The following HMMR variants were observed in gnomAD, a reference collection of about 807,000 sequenced individuals.
The protein encoded by HMMR is intracellular hyaluronic acid-binding protein.
HMMR carries 108 observed loss-of-function variants against 101.0 expected under a neutral mutation model. The observed-to-expected ratio is 1.07, with a 90% CI of 0.92 to 1.25. The LOEUF is 1.25. HMMR is among the 50% of genes most tolerant of loss of function. The probability of loss-of-function intolerance (pLI) is 0.00; values close to 1 mark genes in which losing one functional copy is unlikely to be tolerated. For missense variants in HMMR, 813 were observed against 788.7 expected, an observed-to-expected ratio of 1.03 and a Z score of -0.37; for synonymous variants, 296 against 276.4, an observed-to-expected ratio of 1.07 and a Z score of -0.70.
intron 11 of HMMR, among the ~76,000 whole-genome samples, chr5:163,476,626 A>G (rs1269696747): frequency 6.6e-6 from 1 of 152,230 alleles, no homozygotes; most frequent in African/African-American, 2.4e-5. Flanking sequence ...AGCCTGGGCA[A>G]CGTAGCACAA....
In HMMR at chr5:163,491,169, C is replaced by T. The variant is rs767903265; in HGVS notation, c.*5C>T. ...TGTCAAGAATCATGGAAGTAAACAT[C>T]TGAGAAACCTGTTGAAGATTATTTC... On this transcript the variant is annotated 3_prime_UTR_variant, in exon 18 of 18. Transcript: ENST00000393915. 6.7e-7 allele frequency: 1 copy of T among 1,498,268 alleles called. No individual in the cohort carries two copies. Among genetic ancestry groups the T allele is most frequent in the South Asian group, 1.2e-5 (1 of 82,388 alleles). 92.8% of individuals were successfully genotyped at this position (1,498,268 alleles called of 1,614,324 possible). A position where few individuals can be genotyped will look rare whatever the true frequency, so the allele number is the denominator to read the frequency against.
intron 5 of HMMR, among the ~76,000 whole-genome samples, chr5:163,470,577 C>T (rs1427836033): frequency 6.6e-6 from 1 of 152,142 alleles, no homozygotes; most frequent in African/African-American, 2.4e-5. Flanking sequence ...ATAGCTTGAA[C>T]TCGGGAGGTG....
rs752924104 is a variant in HMMR, at chr5:163,484,117, C to T, written c.1834C>T (p.His612Tyr). 7 of 1,600,492 alleles carry T rather than the reference C, an allele frequency of 4.4e-6. No homozygotes were observed. Among genetic ancestry groups the T allele is most frequent in the South Asian group, 1.1e-5 (1 of 88,480 alleles). ...EVEKQALLNE[H>Y]GAAQEQLNKI... ...AGAAAAACAGGCATTGTTGAATGAA[C>T]ATGGTGCAGCTCAGGAACAGCTAAA... is the stretch of plus-strand genomic sequence containing the variant. Residue 612 changes from histidine (H) to tyrosine (Y), a missense_variant, in exon 16 of 18, where the codon CAT (histidine) becomes TAT (tyrosine). Coordinates refer to ENST00000393915, the MANE Select transcript of HMMR (RefSeq NM_001142556.2).
chr5:163,460,672 T>A lies in HMMR; in HGVS notation c.-21T>A. ...GTCGAGGAGTGCCAGTCACCTTCAG[T>A]TTCTGGAGCTGGCCGTCAACATGTC... On this transcript the variant is annotated 5_prime_UTR_variant, in exon 1 of 18. Coordinates refer to ENST00000393915, the MANE Select transcript of HMMR (RefSeq NM_001142556.2). 6.3e-7 allele frequency: 1 copy of A among 1,599,110 alleles called. No homozygotes were observed. Among genetic ancestry groups the A allele is most frequent in the Non-Finnish European group, 8.5e-7 (1 of 1,172,030 alleles).
In HMMR at chr5:163,484,187, TG is replaced by T; in HGVS notation, c.1905del (p.Lys636AsnfsTer8). 1 of 1,605,858 alleles carries T rather than the reference TG, an allele frequency of 6.2e-7. No homozygotes were observed. Among genetic ancestry groups the T allele is most frequent in the Non-Finnish European group, 8.5e-7 (1 of 1,176,022 alleles). ...GCTAAATTATTGGGTCATCAGAATT[TG>T]AAACAAAAAATCAAGCATGTTGTGA... ...SYAKLLGHQN[L>X]KQKIKHVVKL... On this transcript the variant is annotated frameshift_variant, in exon 16 of 18. Transcript: ENST00000393915. LOFTEE classifies it high-confidence loss of function.
At position 163,471,301 on chromosome 5, in the gene HMMR, GTC is replaced by G. The variant is rs776787151; in HGVS notation, c.549+32_549+33del. On this transcript the variant is annotated intron_variant, in intron 6 of 17. Transcript: ENST00000393915. ...GTGCTGCCCTTGGCAGGTTTGCTGT[GTC>G]TGGATCTGGGGATCAGTACAACTTT... is the stretch of plus-strand genomic sequence containing the variant. The G allele has an allele frequency of 1.1e-4, 176 of 1,606,120 alleles. 1 individual carries two copies. Among genetic ancestry groups the G allele is most frequent in the Admixed American group, 3.3e-5 (2 of 59,970 alleles).
chr5:163,481,244 T>C (rs1487685612), intron 12 of HMMR, among the ~76,000 whole-genome samples: 1 of 151,698 alleles, frequency 6.6e-6, no homozygotes, highest in East Asian at 1.9e-4. Flanking sequence ...TTTATAAGTG[T>C]ATATGTTTTA....
chr5:163,485,901 G>A (rs1759461936), intron 16 of HMMR, among the ~76,000 whole-genome samples: 1 of 152,184 alleles, frequency 6.6e-6, no homozygotes, highest in Non-Finnish European at 1.5e-5. Context: ...TTTTTAAAGA[G>A]AATATTCTTG....
At chr5:163,465,922 C>CT (rs1189994591) in intron 3 of HMMR, among the ~76,000 whole-genome samples, 1 of 147,026 alleles carries the variant, frequency 6.8e-6, no homozygotes, top group Non-Finnish European at 1.5e-5. Flanking sequence ...GGTGGTGCCA[C>CT]TGTACTCCAG....
In HMMR at chr5:163,491,113, C is replaced by G; in HGVS notation, c.2127C>G (p.Gly709=). Residue 709 remains glycine, a splice_region_variant and synonymous_variant, in exon 18 of 18, where the codon GGC becomes GGG. Transcript: ENST00000393915. ...NFALKTPLKE[G]NTNCYRAPME... ...CCTTCTTTTCAATAATTCTTCTAGGCAATACAAACTGTTACCGAGCTCCTA... is the reference window on the plus strand; with the variant it reads ...CCTTCTTTTCAATAATTCTTCTAGGGAATACAAACTGTTACCGAGCTCCTA... 3 of 1,544,912 alleles carry G rather than the reference C, an allele frequency of 1.9e-6. No homozygotes were observed. In the South Asian group the frequency reaches 3.6e-5, roughly 18 times the overall value.
rs552952530 is a variant in HMMR, at chr5:163,480,164, A to G, written c.1385+1364A>G. ...CATATGTAAGTTCCTCTGCCATCCC[A>G]TGAAAATGGGACAGATAACACTGTC... On this transcript the variant is annotated intron_variant, in intron 12 of 17. Transcript: ENST00000393915. Among the ~76,000 whole-genome samples the G allele has an allele frequency of 7.2e-5, 11 of 152,312 alleles. No homozygotes were observed. In the East Asian group the frequency reaches 1.2e-3, roughly 16 times the overall value.
chr5:163,480,454 A>G (rs1759218083), intron 12 of HMMR, among the ~76,000 whole-genome samples: 1 of 152,126 alleles, frequency 6.6e-6, no homozygotes, highest in African/African-American at 2.4e-5. Flanking sequence ...ATATACCACA[A>G]CTTATTTATT....
At chr5:163,489,671 T>C (rs1206868135) in intron 16 of HMMR, among the ~76,000 whole-genome samples, 1 of 152,108 alleles carries the variant, frequency 6.6e-6, no homozygotes, top group Non-Finnish European at 1.5e-5. Context: ...TTCAACACAC[T>C]GTGCCCAAGG....
At chr5:163,482,581 G>C in intron 12 of HMMR, 61 bp from the exon 13 acceptor site, 1 of 1,227,162 alleles carries the variant, frequency 8.1e-7, no homozygotes, top group Non-Finnish European at 1.2e-6. Flanking sequence ...AAACTAATCA[G>C]TTATGATTGT....
chr5:163,478,822 A>G, intron 12 of HMMR, 22 bp downstream of exon 12: 1 of 1,273,428 alleles, frequency 7.9e-7, no homozygotes, highest in Non-Finnish European at 1.2e-6. Context: ...GGGAGCCTGC[A>G]CTCTTAAATA....
chr5:163,469,603 A>G (rs942003547), intron 4 of HMMR, 38 bp from the exon 5 acceptor site: 4 of 1,543,960 alleles, frequency 2.6e-6, no homozygotes, highest in Non-Finnish European at 3.5e-6. Context: ...TTGGCATTCT[A>G]TCAGTGAATC....
chr5:163,470,238 A>C (rs1202223150), intron 5 of HMMR, among the ~76,000 whole-genome samples: 1 of 152,214 alleles, frequency 6.6e-6, no homozygotes, highest in East Asian at 1.9e-4. Context: ...AACATGTTTC[A>C]AGAAATCCTT....
At chr5:163,483,825 T>TA (rs1406786761) in intron 15 of HMMR, among the ~76,000 whole-genome samples, 3 of 152,148 alleles carry the variant, frequency 2.0e-5, no homozygotes, top group Non-Finnish European at 2.9e-5. Context: ...ATCTAACTGA[T>TA]ACAGATAAAA....
At chr5:163,467,900 A>G (rs919475946) in intron 4 of HMMR, 152 bp downstream of exon 4, 28 of 557,026 alleles carry the variant, frequency 5.0e-5, no homozygotes, top group Non-Finnish European at 9.1e-5. Flanking sequence ...CAGTTCTTAC[A>G]GTATTTCACA....
Sources: allele counts gnomAD v4.1 joint callset (sites outside exome capture counted in the v4.1 genomes callset), GRCh38; gene constraint gnomAD v4.1.1; transcripts MANE v1.5; gene names NCBI Gene and HGNC (gene_info 2026-07-23, HGNC 2026-07-21).